The following PTP4A3 variants were observed in gnomAD, a reference collection of about 807,000 sequenced individuals.
PTP4A3 encodes the protein protein tyrosine phosphatase type IVA 3.
In PTP4A3, 9 loss-of-function variants were observed where a neutral mutation model predicts 15.2. The observed-to-expected ratio is 0.59, with a 90% CI of 0.36 to 1.03. PTP4A3 has a LOEUF of 1.03. Among genes scored for constraint, PTP4A3 ranks in the 50% least tolerant of loss-of-function variants. The pLI is 0.02. For synonymous variants in PTP4A3, 95 were observed against 102.0 expected (o/e 0.93, Z 0.41); for missense variants, 234 against 252.1 (o/e 0.93, Z 0.49).
At chr8:141,429,471 T>C (rs1004404012) in intron 5 of PTP4A3, among the ~76,000 whole-genome samples, 2 of 152,254 alleles carry the variant, frequency 1.3e-5, no homozygotes, top group African/African-American at 4.8e-5. Context: ...CAGGTACATG[T>C]GGTCAAGGAC....
At chr8:141,409,586 C>T (rs1190054403) in intron 1 of PTP4A3, among the ~76,000 whole-genome samples, 1 of 152,226 alleles carries the variant, frequency 6.6e-6, no homozygotes, top group Non-Finnish European at 1.5e-5. Context: ...AGGATGTGTT[C>T]TGAGCTGAGG....
Position 141,431,189 on chromosome 8 carries a change from C to G in PTP4A3, c.*145C>G, listed in dbSNP as rs976466392. The G allele has an allele frequency of 2.7e-6, 2 of 740,110 alleles. No individual in the cohort carries two copies. The highest frequency in any genetic ancestry group is 1.8e-5 in the African/African-American group (1 of 56,404). 45.8% of individuals were successfully genotyped at this position (740,110 alleles called of 1,614,324 possible). On this transcript the variant is annotated 3_prime_UTR_variant, in exon 6 of 6. Transcript: ENST00000521578. ...ATCGCCTTTTCCTCCCCGACACCTC[C>G]GTGCACTTGTGTCCGAGGAGCGAGG...
At chr8:141,427,180 C>T (rs1019615632) in intron 4 of PTP4A3, 111 bp downstream of exon 4, 1 of 1,470,298 alleles carries the variant, frequency 6.8e-7, no homozygotes, top group Non-Finnish European at 9.1e-7. Flanking sequence ...GCGACCTTCC[C>T]AGGAGGCCCA....
At chr8:141,392,425 C>G (rs1586527662) in intron 1 of PTP4A3, 1 of 152,380 alleles carries the variant, frequency 6.6e-6, no homozygotes, top group East Asian at 1.9e-4. Context: ...TCATCCTGCG[C>G]AGGGTCCCGC....
At chr8:141,399,294 A>G (rs1323651689) in intron 1 of PTP4A3, among the ~76,000 whole-genome samples, 2 of 152,144 alleles carry the variant, frequency 1.3e-5, no homozygotes, top group East Asian at 1.9e-4. Context: ...GGCCCCTGCC[A>G]AGGCAAACAT....
At position 141,396,748 on chromosome 8, in the gene PTP4A3, T is replaced by G. The variant is rs533986835; in HGVS notation, c.-854+4664T>G. Among the ~76,000 whole-genome samples, 144 of 152,236 alleles carry G rather than the reference T, an allele frequency of 9.5e-4. 1 individual carries two copies. Among genetic ancestry groups the G allele is most frequent in the African/African-American group, 3.3e-3 (136 of 41,532 alleles). On this transcript the variant is annotated intron_variant, in intron 1 of 5. Coordinates refer to ENST00000521578, the MANE Select transcript of PTP4A3 (RefSeq NM_032611.3). ...GGCTAGCTTGGCCACGCCAGCTTGGTCATGTCACCTTCTGAGTCTCAGTGT... is the reference window on the plus strand; with the variant it reads ...GGCTAGCTTGGCCACGCCAGCTTGGGCATGTCACCTTCTGAGTCTCAGTGT...
At chr8:141,399,092 C>A (rs1366964612) in intron 1 of PTP4A3, among the ~76,000 whole-genome samples, 1 of 152,080 alleles carries the variant, frequency 6.6e-6, no homozygotes, top group Non-Finnish European at 1.5e-5. Context: ...CCCGCCACCC[C>A]ACCCAGGGTT....
intron 1 of PTP4A3, among the ~76,000 whole-genome samples, chr8:141,402,755 C>T (rs1042289060): frequency 2.7e-5 from 4 of 148,882 alleles, no homozygotes; most frequent in Non-Finnish European, 5.9e-5. Flanking sequence ...TCCGCTTTCT[C>T]ATCCCTTTAG....
At chr8:141,423,158 A>T (rs920555358) in intron 2 of PTP4A3, among the ~76,000 whole-genome samples, 5 of 152,222 alleles carry the variant, frequency 3.3e-5, no homozygotes, top group African/African-American at 1.2e-4. Flanking sequence ...TCTTGTCATA[A>T]TGAAACAGAT....
chr8:141,398,899 G>A (rs1192667634), intron 1 of PTP4A3, among the ~76,000 whole-genome samples: 2 of 151,990 alleles, frequency 1.3e-5, no homozygotes, highest in Non-Finnish European at 2.9e-5. Flanking sequence ...GTCCTCACCC[G>A]CCACGGAGAC....
intron 1 of PTP4A3, among the ~76,000 whole-genome samples, chr8:141,409,801 G>A (rs969383868): frequency 1.3e-5 from 2 of 152,242 alleles, no homozygotes; most frequent in African/African-American, 4.8e-5. Flanking sequence ...GATGCACCAT[G>A]TGACCCAGGC....
At chr8:141,411,970 T>C (rs1475804615) in intron 1 of PTP4A3, among the ~76,000 whole-genome samples, 2 of 152,102 alleles carry the variant, frequency 1.3e-5, no homozygotes, top group South Asian at 2.1e-4. Flanking sequence ...ATCCACAAAA[T>C]GGGGTGATGG....
Position 141,425,591 on chromosome 8 carries a change from C to CG in PTP4A3, c.198+457dup, listed in dbSNP as rs1189485652. Among the ~76,000 whole-genome samples, 1 of 84,516 alleles carries CG rather than the reference C, an allele frequency of 1.2e-5. No homozygotes were observed. Among genetic ancestry groups the CG allele is most frequent in the Non-Finnish European group, 2.3e-5 (1 of 43,186 alleles). 55.4% of individuals were successfully genotyped at this position (84,516 alleles called of 152,430 possible). On this transcript the variant is annotated intron_variant, in intron 3 of 5. Transcript: ENST00000521578. This position sits in a 1 kb window ranked among gnomAD's most constrained non-coding sequence, Gnocchi z 4.2. ...TTGGCCCTGGGGACCCAGGTCTGGG[C>CG]GGGGGGTGGGGCGGTTCTGCTGCGA...
intron 1 of PTP4A3, among the ~76,000 whole-genome samples, chr8:141,408,698 G>A (rs1046647536): frequency 2.6e-5 from 4 of 151,946 alleles, no homozygotes; most frequent in African/African-American, 7.3e-5. Context: ...TAGCACCCCC[G>A]CCTACACAGA....
intron 4 of PTP4A3, among the ~76,000 whole-genome samples, 179 bp from the exon 5 acceptor site, chr8:141,427,571 C>T (rs1833636212): frequency 6.6e-6 from 1 of 152,228 alleles, no homozygotes; most frequent in Non-Finnish European, 1.5e-5. Flanking sequence ...AGGAGGGAGC[C>T]AGGATTTAGA....
chr8:141,419,840 A>C (rs1401193956), intron 1 of PTP4A3, among the ~76,000 whole-genome samples: 1 of 152,044 alleles, frequency 6.6e-6, no homozygotes, highest in Non-Finnish European at 1.5e-5. Context: ...TGGCCTCCCA[A>C]AATGCTGGGA....
chr8:141,408,617 GA>G (rs112994349), intron 1 of PTP4A3, among the ~76,000 whole-genome samples: 2,516 of 130,064 alleles, frequency 0.019, 37 homozygotes, highest in African/African-American at 0.039. Context: ...GACTCTGTCT[GA>G]AAAAAAAAAA....
At chr8:141,412,470 C>A (rs1274246563) in intron 1 of PTP4A3, among the ~76,000 whole-genome samples, 1 of 152,204 alleles carries the variant, frequency 6.6e-6, no homozygotes, top group Admixed American at 6.5e-5. Flanking sequence ...ATGCCAGGAA[C>A]AGCAAGCAGG....
At chr8:141,424,341 C>T (rs1833469739) in intron 2 of PTP4A3, among the ~76,000 whole-genome samples, 1 of 152,142 alleles carries the variant, frequency 6.6e-6, no homozygotes, top group African/African-American at 2.4e-5. Context: ...CTGTGAACTA[C>T]CACCACCTTT....
Sources: allele counts gnomAD v4.1 joint callset (sites outside exome capture counted in the v4.1 genomes callset), GRCh38; gene constraint gnomAD v4.1.1; non-coding constraint Gnocchi (gnomAD v3.1); transcripts MANE v1.5; gene names NCBI Gene and HGNC (gene_info 2026-07-23, HGNC 2026-07-21).